The following TNFSF4 variants were observed in gnomAD, a reference collection of about 807,000 sequenced individuals.
TNFSF4 encodes the protein tumor necrosis factor ligand superfamily member 4.
TNFSF4 carries 4 observed loss-of-function variants against 7.3 expected under a neutral mutation model. The observed-to-expected ratio is 0.55, with a 90% CI of 0.27 to 1.25. The LOEUF is 1.25. Ranked by LOEUF, TNFSF4 falls within the 50% of genes most tolerant of loss-of-function variation. TNFSF4 has a pLI of 0.12. For synonymous variants in TNFSF4, 76 were observed against 83.7 expected (o/e 0.91, Z 0.50); for missense variants, 181 against 208.8 (o/e 0.87, Z 0.82).
the TNFSF4 span, among the ~76,000 whole-genome samples, chr1:173,231,944 G>A: frequency 3.9e-4 from 60 of 152,186 alleles, no homozygotes; most frequent in South Asian, 6.2e-4. Flanking sequence ...TTGACTGGGC[G>A]ATGTGGGCTC....
chr1:173,432,736 A>C, the TNFSF4 span, among the ~76,000 whole-genome samples: 2 of 152,226 alleles, frequency 1.3e-5, no homozygotes, highest in South Asian at 4.1e-4. Context: ...TGAAAAAAAA[A>C]AAATGAAGGA....
chr1:173,323,149 C>T, the TNFSF4 span, among the ~76,000 whole-genome samples: 1 of 152,214 alleles, frequency 6.6e-6, no homozygotes, highest in African/African-American at 2.4e-5. Flanking sequence ...GAGGGGCAGA[C>T]TGACACCTCA....
At chr1:173,449,158 T>A in the TNFSF4 span, among the ~76,000 whole-genome samples, 1 of 152,132 alleles carries the variant, frequency 6.6e-6, no homozygotes, top group Non-Finnish European at 1.5e-5. Flanking sequence ...CTCCCCCTAC[T>A]CCTGCTCCTG....
At chr1:173,415,965 A>G in the TNFSF4 span, among the ~76,000 whole-genome samples, 1 of 152,300 alleles carries the variant, frequency 6.6e-6, no homozygotes, top group East Asian at 1.9e-4. Context: ...GAATGTCATG[A>G]TGTGGGACTG....
chr1:173,206,614 A>G (rs1650203982), intron 1 of TNFSF4, among the ~76,000 whole-genome samples: 1 of 152,168 alleles, frequency 6.6e-6, no homozygotes, highest in Non-Finnish European at 1.5e-5. Context: ...GGGTATATGA[A>G]TATTATGGGA....
the TNFSF4 span, among the ~76,000 whole-genome samples, chr1:173,243,854 C>A: frequency 2.6e-5 from 4 of 152,176 alleles, no homozygotes; most frequent in Non-Finnish European, 5.9e-5. Flanking sequence ...TCTTTTATGT[C>A]TCTGCTTTCA....
chr1:173,173,793 G>T, the TNFSF4 span, among the ~76,000 whole-genome samples: 2 of 152,244 alleles, frequency 1.3e-5, no homozygotes, highest in Non-Finnish European at 2.9e-5. Flanking sequence ...GAGCAGGGGG[G>T]CCCTGGGCTG....
chr1:173,215,182 G>T, the TNFSF4 span, among the ~76,000 whole-genome samples: 1 of 152,100 alleles, frequency 6.6e-6, no homozygotes, highest in Non-Finnish European at 1.5e-5. Flanking sequence ...CAGCAAGAAG[G>T]TGGCCGTCTG....
At chr1:173,253,207 C>T in the TNFSF4 span, among the ~76,000 whole-genome samples, 1 of 152,136 alleles carries the variant, frequency 6.6e-6, no homozygotes, top group Admixed American at 6.5e-5. Context: ...AAGCCCTATA[C>T]TTGTATATTA....
the TNFSF4 span, among the ~76,000 whole-genome samples, chr1:173,279,709 C>A: frequency 6.6e-6 from 1 of 152,082 alleles, no homozygotes; most frequent in Non-Finnish European, 1.5e-5. Flanking sequence ...AAAACTTAAC[C>A]ATGAATCTAG....
the TNFSF4 span, among the ~76,000 whole-genome samples, chr1:173,178,340 C>T: frequency 8.5e-5 from 13 of 152,262 alleles, no homozygotes; most frequent in Admixed American, 8.5e-4. Flanking sequence ...CTTTGGGAGG[C>T]CGAGGCAGGC....
the TNFSF4 span, among the ~76,000 whole-genome samples, chr1:173,276,134 CTAAAGA>C: frequency 6.6e-6 from 1 of 151,960 alleles, no homozygotes; most frequent in African/African-American, 2.4e-5. Context: ...GAATGAAAAA[CTAAAGA>C]TAATTATGTT....
At chr1:173,412,991 T>A in the TNFSF4 span, among the ~76,000 whole-genome samples, 1 of 152,176 alleles carries the variant, frequency 6.6e-6, no homozygotes, top group South Asian at 2.1e-4. Flanking sequence ...AGTGTGTTGA[T>A]TGGCTTGGGA....
the TNFSF4 span, among the ~76,000 whole-genome samples, chr1:173,341,295 T>C: frequency 2.0e-5 from 3 of 152,086 alleles, no homozygotes; most frequent in Admixed American, 1.3e-4. Flanking sequence ...CCCACAGCAG[T>C]GTAGAAGATC....
chr1:173,442,448 C>T, the TNFSF4 span, among the ~76,000 whole-genome samples: 1 of 151,838 alleles, frequency 6.6e-6, no homozygotes, highest in Admixed American at 6.6e-5. Flanking sequence ...GCTTCTAAAA[C>T]TTCTTTGTTG....
the TNFSF4 span, among the ~76,000 whole-genome samples, chr1:173,223,803 C>T: frequency 6.6e-6 from 1 of 152,158 alleles, no homozygotes; most frequent in East Asian, 1.9e-4. Flanking sequence ...GAAACTCTAT[C>T]ACGCCTCGTA....
At chr1:173,234,674 C>A in the TNFSF4 span, among the ~76,000 whole-genome samples, 4 of 152,302 alleles carry the variant, frequency 2.6e-5, no homozygotes, top group Non-Finnish European at 5.9e-5. Flanking sequence ...AACCATCATT[C>A]TCAGGAAACT....
At chr1:173,428,936 G>A in the TNFSF4 span, among the ~76,000 whole-genome samples, 3 of 152,094 alleles carry the variant, frequency 2.0e-5, no homozygotes, top group Admixed American at 6.5e-5. Flanking sequence ...GAATCTGGGA[G>A]GCGGAGGTTG....
At chr1:173,198,995 A>C (rs1649829887) in intron 1 of TNFSF4, among the ~76,000 whole-genome samples, 1 of 152,202 alleles carries the variant, frequency 6.6e-6, no homozygotes. Context: ...AATGCAAAAA[A>C]CAAGTATGCC....
Sources: allele counts gnomAD v4.1 joint callset (sites outside exome capture counted in the v4.1 genomes callset), GRCh38; gene constraint gnomAD v4.1.1; transcripts MANE v1.5; gene names NCBI Gene and HGNC (gene_info 2026-07-23, HGNC 2026-07-21).